DLG2: variants seen among roughly 807,000 people sequenced by gnomAD.
DLG2 encodes the protein disks large homolog 2.
DLG2 carries 45 observed loss-of-function variants against 132.5 expected under a neutral mutation model. That is an observed-to-expected ratio of 0.34 (90% CI 0.27 to 0.44). DLG2 has a LOEUF of 0.44. Ranked by LOEUF, DLG2 falls within the 20% of genes least tolerant of loss-of-function variation. The pLI is 1.00. For synonymous variants in DLG2, 424 were observed against 419.6 expected, an observed-to-expected ratio of 1.01 and a Z score of -0.13; for missense variants, 1,045 against 1,196.9, an observed-to-expected ratio of 0.87 and a Z score of 1.87.
intron 18 of DLG2, among the ~76,000 whole-genome samples, chr11:83,662,012 A>G (rs191125081): frequency 3.9e-5 from 6 of 152,322 alleles, no homozygotes; most frequent in East Asian, 1.9e-4. Context: ...AGTGCATTTA[A>G]TATACACATG....
At chr11:83,559,852 A>C (rs2096580967) in intron 19 of DLG2, among the ~76,000 whole-genome samples, 1 of 152,232 alleles carries the variant, frequency 6.6e-6, no homozygotes, top group South Asian at 2.1e-4. Context: ...CCAAACCCTA[A>C]GAATGGCAGA....
chr11:83,717,183 A>C (rs2086907790), intron 18 of DLG2, among the ~76,000 whole-genome samples: 2 of 152,316 alleles, frequency 1.3e-5, no homozygotes, highest in South Asian at 4.1e-4. Context: ...TTTCCTTTGA[A>C]GCTACAGAGA....
At chr11:85,234,091 C>T (rs1257125594) in intron 4 of DLG2, among the ~76,000 whole-genome samples, 25 of 151,804 alleles carry the variant, frequency 1.6e-4, no homozygotes, top group Non-Finnish European at 1.3e-4. Flanking sequence ...GAGATGTGGC[C>T]TCTGCCCTCA....
At chr11:85,588,917 G>C (rs2079130339) in intron 3 of DLG2, among the ~76,000 whole-genome samples, 1 of 152,130 alleles carries the variant, frequency 6.6e-6, no homozygotes, top group Non-Finnish European at 1.5e-5. Flanking sequence ...CTGCAAGCCA[G>C]ACTGCAGTGA....
chr11:84,011,225 C>A lies in DLG2; in HGVS notation c.920-30583G>T, dbSNP rs533703514. ...GCATTTTATGCTCATAATCCTAGCA[C>A]TTTGGGAGGCTGAAGTAGGAGGATT... On this transcript the variant is annotated intron_variant, in intron 11 of 27. Transcript: ENST00000376104. 2.6e-5 allele frequency among the ~76,000 whole-genome samples: 4 copies of A among 152,146 alleles called. No homozygotes were observed. In the South Asian group the frequency reaches 8.3e-4, roughly 32 times the overall value.
At chr11:85,281,944 T>C (rs1250790504) in intron 4 of DLG2, among the ~76,000 whole-genome samples, 1 of 151,722 alleles carries the variant, frequency 6.6e-6, no homozygotes, top group Admixed American at 6.6e-5. Flanking sequence ...ATAGCCAAGA[T>C]ATGGAATCAA....
At chr11:84,041,672 A>C (rs958154097) in intron 11 of DLG2, among the ~76,000 whole-genome samples, 3 of 152,008 alleles carry the variant, frequency 2.0e-5, no homozygotes, top group Non-Finnish European at 2.9e-5. Flanking sequence ...ATATAGGTCA[A>C]TTTACCCAAT....
chr11:85,347,123 C>T (rs1272669461), intron 3 of DLG2, among the ~76,000 whole-genome samples: 1 of 152,088 alleles, frequency 6.6e-6, no homozygotes, highest in Non-Finnish European at 1.5e-5. Flanking sequence ...TGTATATATT[C>T]TTGTTCCACT....
In DLG2 at chr11:85,178,529, T is replaced by C. The variant is rs574430128; in HGVS notation, c.187-23878A>G. ...GCAAAATTAGTAATCAGAATGTAAA[T>C]ATGTCCAATATGAATATAATAAAAG... On this transcript the variant is annotated intron_variant, in intron 4 of 27. Coordinates refer to ENST00000376104, the MANE Select transcript of DLG2 (RefSeq NM_001142699.3). Among the ~76,000 whole-genome samples the C allele has an allele frequency of 1.8e-4, 27 of 151,990 alleles. 1 individual carries two copies. Among genetic ancestry groups the C allele is most frequent in the African/African-American group, 6.5e-4 (27 of 41,532 alleles).
chr11:84,529,755 A>G (rs1321638131), intron 7 of DLG2, among the ~76,000 whole-genome samples: 1 of 152,218 alleles, frequency 6.6e-6, no homozygotes, highest in Non-Finnish European at 1.5e-5. Flanking sequence ...TTCCTATCAA[A>G]CTGCCAATGA....
intron 15 of DLG2, among the ~76,000 whole-genome samples, chr11:83,910,613 C>G (rs1318639779): frequency 6.6e-6 from 1 of 152,102 alleles, no homozygotes; most frequent in South Asian, 2.1e-4. Context: ...GATGGATATG[C>G]TAACCTGATC....
chr11:85,122,626 ATTATCGATC>A (rs1002638615), intron 5 of DLG2, among the ~76,000 whole-genome samples: 2 of 152,046 alleles, frequency 1.3e-5, no homozygotes, highest in African/African-American at 4.8e-5. Flanking sequence ...ATACAAATCA[ATTATCGATC>A]TTATGAAAAC....
At chr11:84,194,036 A>T (rs976383959) in intron 8 of DLG2, among the ~76,000 whole-genome samples, 1 of 152,236 alleles carries the variant, frequency 6.6e-6, no homozygotes, top group Non-Finnish European at 1.5e-5. Context: ...ACCAGAGACA[A>T]TATAATTCTT....
At chr11:85,396,156 T>A (rs964312382) in intron 3 of DLG2, among the ~76,000 whole-genome samples, 1 of 151,952 alleles carries the variant, frequency 6.6e-6, no homozygotes, top group African/African-American at 2.4e-5. Flanking sequence ...TACAGCAAAC[T>A]CCAACAGACC....
chr11:84,752,653 G>A (rs113323487), intron 6 of DLG2, among the ~76,000 whole-genome samples: 1,742 of 143,838 alleles, frequency 0.012, 35 homozygotes, highest in African/African-American at 0.043. Flanking sequence ...GTGCCATGCT[G>A]GTGCGCTGCA....
At chr11:85,428,644 T>G (rs2090949137) in intron 3 of DLG2, among the ~76,000 whole-genome samples, 1 of 152,234 alleles carries the variant, frequency 6.6e-6, no homozygotes, top group South Asian at 2.1e-4. Flanking sequence ...AGAGGGAAAT[T>G]TATAGCACTA....
chr11:85,458,945 T>C (rs1484132924), intron 3 of DLG2, among the ~76,000 whole-genome samples: 1 of 152,198 alleles, frequency 6.6e-6, no homozygotes, highest in Non-Finnish European at 1.5e-5. Context: ...ACTTGCCTCT[T>C]GGGGTTCCAA....
intron 8 of DLG2, among the ~76,000 whole-genome samples, chr11:84,168,440 T>C (rs1573572): frequency 0.73 from 110,992 of 152,124 alleles, 40,839 homozygotes; most frequent in Middle Eastern, 0.84. Flanking sequence ...AGCACTACAA[T>C]TGGACTTTGG....
chr11:83,771,653 GTAT>G, intron 18 of DLG2, among the ~76,000 whole-genome samples: 1 of 152,124 alleles, frequency 6.6e-6, no homozygotes, highest in East Asian at 1.9e-4. Context: ...TAAACATATG[GTAT>G]TATAATCTTA....
Sources: gnomAD v4.1 joint callset for allele counts (sites outside exome capture counted in the v4.1 genomes callset) on GRCh38, gnomAD v4.1.1 for gene constraint, MANE v1.5 for transcripts, NCBI Gene and HGNC (gene_info 2026-07-23, HGNC 2026-07-21) for gene names.